Variants in PTPRD observed in about 807,000 individuals in gnomAD.
The protein encoded by PTPRD is receptor-type tyrosine-protein phosphatase delta.
A neutral mutation model predicts 214.5 loss-of-function variants in PTPRD; 34 were observed. That is an observed-to-expected ratio of 0.16 (90% CI 0.12 to 0.21). The LOEUF is 0.21. Among genes scored for constraint, PTPRD ranks in the 10% least tolerant of loss-of-function variants. PTPRD has a pLI of 1.00. For synonymous variants in PTPRD, 1,128 were observed against 845.7 expected, an observed-to-expected ratio of 1.33 and a Z score of -5.79; for missense variants, 2,545 against 2,398.7, an observed-to-expected ratio of 1.06 and a Z score of -1.27.
chr9:9,485,157 T>C (rs2095575421), intron 8 of PTPRD, among the ~76,000 whole-genome samples: 1 of 152,186 alleles, frequency 6.6e-6, no homozygotes, highest in African/African-American at 2.4e-5. Context: ...GTAAAAATAA[T>C]CTATAATACA....
chr9:8,782,408 C>A lies in PTPRD; in HGVS notation c.-103-48462G>T, dbSNP rs563785020. Among the ~76,000 whole-genome samples, 142 of 152,190 alleles carry A rather than the reference C, an allele frequency of 9.3e-4. 1 individual carries two copies. The Middle Eastern group carries it at 0.01, about 11-fold the overall frequency. ...CAAGTTTACAATACATTGTTATTAA[C>A]TGTGTCACCATGTTGTGCAATACAT... On this transcript the variant is annotated intron_variant, in intron 11 of 45. Coordinates refer to ENST00000381196, the MANE Select transcript of PTPRD (RefSeq NM_002839.4).
chr9:8,851,023 G>C (rs911426215), intron 11 of PTPRD, among the ~76,000 whole-genome samples: 9 of 152,024 alleles, frequency 5.9e-5, no homozygotes, highest in Admixed American at 2.0e-4. Flanking sequence ...GTGAATCTTA[G>C]GGAGACAGAA....
At chr9:9,864,841 G>A (rs1273332830) in intron 5 of PTPRD, among the ~76,000 whole-genome samples, 1 of 152,000 alleles carries the variant, frequency 6.6e-6, no homozygotes, top group Non-Finnish European at 1.5e-5. Flanking sequence ...GTAGTAAAGG[G>A]TGCATTATTC....
chr9:9,828,598 A>C (rs1768882), intron 5 of PTPRD, among the ~76,000 whole-genome samples: 1 of 151,856 alleles, frequency 6.6e-6, no homozygotes, highest in African/African-American at 2.4e-5. Context: ...ACATGTATAC[A>C]TATGTAACAA....
At chr9:8,757,439 A>G (rs918249678) in intron 11 of PTPRD, among the ~76,000 whole-genome samples, 1 of 151,966 alleles carries the variant, frequency 6.6e-6, no homozygotes, top group Admixed American at 6.6e-5. Flanking sequence ...TAAATCGGCT[A>G]TTTTACAAAT....
chr9:10,232,130 C>T (rs2099613609), intron 3 of PTPRD, among the ~76,000 whole-genome samples: 1 of 151,486 alleles, frequency 6.6e-6, no homozygotes, highest in South Asian at 2.1e-4. Flanking sequence ...TTTGCCCTAG[C>T]ACCAAAGCCC....
chr9:10,176,238 T>C (rs1194468472), intron 3 of PTPRD, among the ~76,000 whole-genome samples: 1 of 151,922 alleles, frequency 6.6e-6, no homozygotes, highest in Non-Finnish European at 1.5e-5. Flanking sequence ...CAAGTAACTA[T>C]TTTTATATAA....
intron 3 of PTPRD, among the ~76,000 whole-genome samples, chr9:10,132,841 G>C (rs546929573): frequency 3.3e-5 from 5 of 152,238 alleles, no homozygotes; most frequent in Non-Finnish European, 7.4e-5. Flanking sequence ...CAACATCTAA[G>C]ATGACACCAA....
intron 44 of PTPRD, among the ~76,000 whole-genome samples, chr9:8,330,563 A>G (rs1414574315): frequency 6.6e-6 from 1 of 151,524 alleles, no homozygotes; most frequent in Non-Finnish European, 1.5e-5. Context: ...TAATAACTCA[A>G]TAGAAAGTAG....
chr9:10,240,314 C>T (rs1259099543), intron 3 of PTPRD, among the ~76,000 whole-genome samples: 5 of 151,808 alleles, frequency 3.3e-5, no homozygotes, highest in African/African-American at 1.2e-4. Context: ...ATCTTGTTAA[C>T]CTGTCTTTTG....
At chr9:8,815,260 G>A (rs1441466476) in intron 11 of PTPRD, among the ~76,000 whole-genome samples, 1 of 152,056 alleles carries the variant, frequency 6.6e-6, no homozygotes, top group Non-Finnish European at 1.5e-5. Context: ...CTCTGCTGCT[G>A]CTACTGTCAT....
chr9:9,014,595 T>C (rs1294921776), intron 11 of PTPRD, among the ~76,000 whole-genome samples: 1 of 152,184 alleles, frequency 6.6e-6, no homozygotes, highest in Non-Finnish European at 1.5e-5. Flanking sequence ...TGTTTATTTA[T>C]GGTAATAACA....
chr9:10,384,163 ATAAC>A (rs1468744177), intron 2 of PTPRD, among the ~76,000 whole-genome samples: 2 of 151,698 alleles, frequency 1.3e-5, no homozygotes, highest in African/African-American at 4.8e-5. Context: ...ACATTTAAAA[ATAAC>A]TAAGAGTATA....
chr9:9,018,361 T>A (rs1402072246), intron 11 of PTPRD, among the ~76,000 whole-genome samples: 1 of 152,190 alleles, frequency 6.6e-6, no homozygotes, highest in African/African-American at 2.4e-5. Context: ...GTATATCTTA[T>A]AAAAATCATC....
intron 9 of PTPRD, among the ~76,000 whole-genome samples, chr9:9,251,162 G>C (rs920005255): frequency 6.6e-6 from 1 of 152,010 alleles, no homozygotes; most frequent in Non-Finnish European, 1.5e-5. Flanking sequence ...TAAAAATCTA[G>C]TGCGGGCATT....
At chr9:9,801,813 C>G (rs891269051) in intron 5 of PTPRD, among the ~76,000 whole-genome samples, 2 of 151,976 alleles carry the variant, frequency 1.3e-5, no homozygotes, top group African/African-American at 2.4e-5. Context: ...GTTCTTTTAT[C>G]CGTTGTCTAT....
chr9:9,265,223 C>T (rs1408424422), intron 9 of PTPRD, among the ~76,000 whole-genome samples: 2 of 151,556 alleles, frequency 1.3e-5, no homozygotes, highest in African/African-American at 4.8e-5. Context: ...AATATAGCTA[C>T]AATAACTTGG....
Position 10,023,621 on chromosome 9 carries a change from AT to A in PTPRD, c.-472+10096del, listed in dbSNP as rs71485309. Among the ~76,000 whole-genome samples the A allele has an allele frequency of 4.8e-3, 699 of 147,042 alleles. 4 individuals carry two copies. Among genetic ancestry groups the A allele is most frequent in the African/African-American group, 0.014 (583 of 40,332 alleles). ...TATTTGCCAGAACTTACATGGAACTATTTTTTTTTTTCTAATAAAGTGTGAG... is the reference window on the plus strand; with the variant it reads ...TATTTGCCAGAACTTACATGGAACTATTTTTTTTTTCTAATAAAGTGTGAG... On this transcript the variant is annotated intron_variant, in intron 4 of 45. Transcript: ENST00000381196.
At chr9:10,377,754 C>T (rs2097758482) in intron 2 of PTPRD, among the ~76,000 whole-genome samples, 2 of 151,978 alleles carry the variant, frequency 1.3e-5, no homozygotes, top group Admixed American at 1.3e-4. Flanking sequence ...GTTGGTGGGA[C>T]TGTAAACTGG....
Sources: allele counts gnomAD v4.1 joint callset (sites outside exome capture counted in the v4.1 genomes callset), GRCh38; gene constraint gnomAD v4.1.1; transcripts MANE v1.5; gene names NCBI Gene and HGNC (gene_info 2026-07-23, HGNC 2026-07-21).